ADAM32: variants seen among roughly 807,000 people sequenced by gnomAD.
ADAM32 encodes the protein ADAM metallopeptidase domain 32, also known as disintegrin and metalloproteinase domain-containing protein 32.
In ADAM32, 89 loss-of-function variants were observed where a neutral mutation model predicts 114.9. That is an observed-to-expected ratio of 0.77 (90% CI 0.65 to 0.92). The LOEUF (loss-of-function observed/expected upper bound fraction) is 0.92. ADAM32 is among the 40% of genes least tolerant of loss of function. ADAM32 has a pLI of 0.00. For missense variants in ADAM32, 870 were observed against 932.8 expected (o/e 0.93, Z 0.88); for synonymous variants, 285 against 307.5 (o/e 0.93, Z 0.77).
At chr8:39,248,682 T>C (rs1811088894) in intron 17 of ADAM32, among the ~76,000 whole-genome samples, 1 of 152,146 alleles carries the variant, frequency 6.6e-6, no homozygotes, top group East Asian at 1.9e-4. Flanking sequence ...TTTTTATTAT[T>C]TTATTGTATT....
At position 39,164,822 on chromosome 8, in the gene ADAM32, G is replaced by C. The variant is rs1457811666; in HGVS notation, c.653G>C (p.Gly218Ala). 6.2e-7 allele frequency: 1 copy of C among 1,606,942 alleles called. No homozygotes were observed. The highest frequency in any genetic ancestry group is 8.5e-7 in the Non-Finnish European group (1 of 1,176,392). Residue 218 changes from glycine (G) to alanine (A), a missense_variant, in exon 8 of 25, where the codon GGC becomes GCC. Transcript: ENST00000379907. ...IVTNKVIEIVGLANSMFTQFK... is the reference protein window; with the variant it reads ...IVTNKVIEIVALANSMFTQFK... The stretch of plus-strand genomic sequence containing the variant: ...ACAAATAAAGTCATCGAAATTGTTG[G>C]CCTTGCAAATTCAGTAAGTGTTTTC...
chr8:39,185,360 C>CAAA (rs772780472), intron 10 of ADAM32, among the ~76,000 whole-genome samples: 40 of 141,582 alleles, frequency 2.8e-4, no homozygotes, highest in East Asian at 4.2e-4. Flanking sequence ...AAACAAAAAA[C>CAAA]AAACAAACAA....
chr8:39,153,443 TG>T (rs1803966081), intron 6 of ADAM32, among the ~76,000 whole-genome samples: 1 of 152,208 alleles, frequency 6.6e-6, no homozygotes, highest in Non-Finnish European at 1.5e-5. Flanking sequence ...GCTTTGAACA[TG>T]TGCCACTTGT....
At chr8:39,163,841 T>C (rs1443882939) in intron 7 of ADAM32, among the ~76,000 whole-genome samples, 3 of 152,222 alleles carry the variant, frequency 2.0e-5, no homozygotes, top group Non-Finnish European at 4.4e-5. Flanking sequence ...ATTTTAGTTT[T>C]GGATATGAGT....
At chr8:39,276,400 T>C (rs1282843311) in intron 22 of ADAM32, 1 of 152,256 alleles carries the variant, frequency 6.6e-6, no homozygotes, top group African/African-American at 2.4e-5. Context: ...TGTCTTTTTA[T>C]AATAACTCAG....
At chr8:39,177,186 A>G (rs1805582561) in intron 10 of ADAM32, among the ~76,000 whole-genome samples, 1 of 151,962 alleles carries the variant, frequency 6.6e-6, no homozygotes, top group Admixed American at 6.6e-5. Flanking sequence ...CAGCCTCCCA[A>G]GTAGCTGGGA....
At chr8:39,254,845 T>C (rs910604162) in intron 18 of ADAM32, among the ~76,000 whole-genome samples, 3 of 151,826 alleles carry the variant, frequency 2.0e-5, no homozygotes, top group Non-Finnish European at 4.4e-5. Context: ...CAATGTGTAG[T>C]CTTTTATACC....
intron 6 of ADAM32, 127 bp downstream of exon 6, chr8:39,151,675 C>T (rs371702175): frequency 1.9e-4 from 81 of 435,522 alleles, no homozygotes; most frequent in Middle Eastern, 6.3e-4. Flanking sequence ...AACATCTTAT[C>T]TTTTTTTTTT....
intron 5 of ADAM32, 139 bp downstream of exon 5, chr8:39,150,006 T>TC: frequency 1.8e-6 from 1 of 544,662 alleles, no homozygotes; most frequent in East Asian, 3.2e-5. Context: ...TCTGAACATG[T>TC]TTCCAATTCT....
intron 2 of ADAM32, among the ~76,000 whole-genome samples, chr8:39,124,561 GCACCTGC>G (rs1412479475): frequency 6.6e-6 from 1 of 151,980 alleles, no homozygotes; most frequent in Non-Finnish European, 1.5e-5. Flanking sequence ...GGGACTACAG[GCACCTGC>G]CATCATGCCC....
intron 6 of ADAM32, among the ~76,000 whole-genome samples, chr8:39,159,579 T>C (rs1041758546): frequency 2.0e-5 from 3 of 152,230 alleles, no homozygotes; most frequent in Non-Finnish European, 4.4e-5. Flanking sequence ...GCCTCTTTCT[T>C]CCTAGACTTT....
intron 11 of ADAM32, among the ~76,000 whole-genome samples, chr8:39,210,505 C>T (rs1361635283): frequency 1.3e-5 from 2 of 152,124 alleles, no homozygotes; most frequent in Non-Finnish European, 2.9e-5. Context: ...TCTTACTCTG[C>T]CTCCTCTTCC....
At chr8:39,107,563 G>A (rs2129443800), upstream of ADAM32, 1 of 1,351,752 alleles carries the variant, frequency 7.4e-7, no homozygotes, top group Admixed American at 3.2e-5. Flanking sequence ...GGGGTGCGCC[G>A]GGAAGGGAGC....
intron 16 of ADAM32, among the ~76,000 whole-genome samples, chr8:39,243,666 C>A (rs1428814609): frequency 1.3e-5 from 2 of 152,116 alleles, no homozygotes; most frequent in Non-Finnish European, 1.5e-5. Flanking sequence ...AAGCCGCAGA[C>A]AACATTGTAC....
chr8:39,224,932 T>C (rs1476863732), intron 14 of ADAM32, among the ~76,000 whole-genome samples: 1 of 151,932 alleles, frequency 6.6e-6, no homozygotes, highest in Non-Finnish European at 1.5e-5. Flanking sequence ...TATATGGAGG[T>C]GGTTATGAAC....
chr8:39,213,396 C>G (rs967726456), intron 12 of ADAM32, among the ~76,000 whole-genome samples: 1 of 150,762 alleles, frequency 6.6e-6, no homozygotes, highest in Non-Finnish European at 1.5e-5. Flanking sequence ...TATAATTTCC[C>G]TACTGTACTA....
At chr8:39,263,825 T>C (rs1375433170) in intron 19 of ADAM32, among the ~76,000 whole-genome samples, 3 of 152,174 alleles carry the variant, frequency 2.0e-5, no homozygotes, top group African/African-American at 7.2e-5. Flanking sequence ...TTCTATACCA[T>C]AGCTAATATA....
intron 7 of ADAM32, among the ~76,000 whole-genome samples, chr8:39,163,894 G>A (rs1804666106): frequency 6.6e-6 from 1 of 152,172 alleles, no homozygotes; most frequent in African/African-American, 2.4e-5. Context: ...CATCCAAGGT[G>A]ATGTACTATA....
intron 19 of ADAM32, among the ~76,000 whole-genome samples, chr8:39,268,357 A>G (rs1383468342): frequency 6.6e-6 from 1 of 152,106 alleles, no homozygotes; most frequent in African/African-American, 2.4e-5. Context: ...CAATTGTTTC[A>G]TATGGTTATT....
Sources: gnomAD v4.1 joint callset for allele counts (sites outside exome capture counted in the v4.1 genomes callset) on GRCh38, gnomAD v4.1.1 for gene constraint, MANE v1.5 for transcripts, NCBI Gene and HGNC (gene_info 2026-07-23, HGNC 2026-07-21) for gene names.